LMTK2: variants seen among roughly 807,000 people sequenced by gnomAD.
The protein encoded by LMTK2 is serine/threonine-protein kinase LMTK2.
In LMTK2, 37 loss-of-function variants were observed where a neutral mutation model predicts 127.5. The observed-to-expected ratio is 0.29, with a 90% CI of 0.22 to 0.38. LMTK2 has a LOEUF of 0.38. Ranked by LOEUF, LMTK2 falls within the 10% of genes least tolerant of loss-of-function variation. LMTK2 has a pLI of 1.00. For synonymous variants in LMTK2, 819 were observed against 810.1 expected, an observed-to-expected ratio of 1.01 and a Z score of -0.19; for missense variants, 1,694 against 1,920.3, an observed-to-expected ratio of 0.88 and a Z score of 2.20.
intron 12 of LMTK2, 36 bp from the exon 13 acceptor site, chr7:98,203,908 T>C: frequency 1.2e-6 from 2 of 1,609,392 alleles, no homozygotes; most frequent in Admixed American, 1.7e-5. Flanking sequence ...CATCACGCAG[T>C]GATAAAAAGG....
Position 98,204,009 on chromosome 7 carries a change from C to T in LMTK2, c.4306C>T (p.Leu1436=), listed in dbSNP as rs1321585295. 1 of 1,614,206 alleles carries T rather than the reference C, an allele frequency of 6.2e-7. No individual in the cohort carries two copies. The highest frequency in any genetic ancestry group is 8.5e-7 in the Non-Finnish European group (1 of 1,180,036). Reference sequence around the variant, plus strand: ...TTTTATGTCAAAGACAACAAGTAACCTGCTCAGCTCCAAGCCTTCTCTCCA... The same window carrying T: ...TTTTATGTCAAAGACAACAAGTAACTTGCTCAGCTCCAAGCCTTCTCTCCA... ...DPFMSKTTSN[L]LSSKPSLQTS... The change falls in exon 13 of 14, where the codon CTG becomes TTG. Residue 1436 remains leucine (L), a synonymous_variant. Coordinates refer to ENST00000297293, the MANE Select transcript of LMTK2 (RefSeq NM_014916.4).
rs541735292 is a variant in LMTK2 at position 98,125,083 on chromosome 7, C to G, written c.104-12232C>G. ...CTTTGGGAGGCCGAGGCGGGCGGAT[C>G]ACGAGGTCAGGAGATCGAGACCATC... On this transcript the variant is annotated intron_variant, in intron 1 of 13. Coordinates refer to ENST00000297293, the MANE Select transcript of LMTK2 (RefSeq NM_014916.4). 7.2e-5 allele frequency among the ~76,000 whole-genome samples: 11 copies of G among 151,884 alleles called. No homozygotes were observed. In the South Asian group the frequency reaches 2.3e-3, roughly 32 times the overall value.
chr7:98,111,770 A>G (rs1490672186), intron 1 of LMTK2, among the ~76,000 whole-genome samples: 1 of 152,228 alleles, frequency 6.6e-6, no homozygotes. Flanking sequence ...GTAACATGGC[A>G]TGTCTAGAAT....
At chr7:98,141,636 C>T (rs1796701767) in intron 3 of LMTK2, 95 bp downstream of exon 3, 1 of 1,197,706 alleles carries the variant, frequency 8.3e-7, no homozygotes, top group East Asian at 2.3e-5. Context: ...CTGCCCATCT[C>T]CTCTTTGGTT....
intron 7 of LMTK2, among the ~76,000 whole-genome samples, chr7:98,181,807 C>T (rs1222848025): frequency 6.6e-6 from 1 of 151,872 alleles, no homozygotes; most frequent in Non-Finnish European, 1.5e-5. Flanking sequence ...TACAGGCACC[C>T]ACCATCATGC....
At position 98,207,268 on chromosome 7, in the gene LMTK2, G is replaced by T. The variant is rs1009167642; in HGVS notation, c.*1776G>T. On this transcript the variant is annotated 3_prime_UTR_variant, in exon 14 of 14. Transcript: ENST00000297293. ...TCCAGACCCGTGCAGGGGCCGCCTG[G>T]GGTACACGGAAGGAAGTTGAGTCCT... The T allele has an allele frequency of 2.6e-5, 4 of 152,226 alleles. No homozygotes were observed. The highest frequency in any genetic ancestry group is 5.9e-5 in the Non-Finnish European group (4 of 68,074). The allele number at this position is 152,226 out of a possible 1,614,324, so 9.4% of individuals were successfully genotyped here.
chr7:98,200,816 T>TTTG (rs138102097), intron 11 of LMTK2, among the ~76,000 whole-genome samples: 2,575 of 151,834 alleles, frequency 0.017, 64 homozygotes, highest in South Asian at 0.12. Flanking sequence ...TATTATTTAT[T>TTTG]TTGTTGTTGT....
At chr7:98,148,670 C>T (rs186976977) in intron 3 of LMTK2, among the ~76,000 whole-genome samples, 10 of 152,122 alleles carry the variant, frequency 6.6e-5, no homozygotes, top group Admixed American at 5.9e-4. Context: ...GGAAACTGGA[C>T]GTTTTGAATA....
At chr7:98,159,581 A>G (rs1796982616) in intron 6 of LMTK2, among the ~76,000 whole-genome samples, 156 bp downstream of exon 6, 1 of 152,236 alleles carries the variant, frequency 6.6e-6, no homozygotes, top group Non-Finnish European at 1.5e-5. Context: ...GGTGATGGTG[A>G]TAGTGTTGAC....
intron 9 of LMTK2, 117 bp downstream of exon 9, chr7:98,187,115 C>A: frequency 2.2e-6 from 2 of 907,052 alleles, no homozygotes; most frequent in South Asian, 1.9e-5. Context: ...AAAAGAGTAT[C>A]TGATGGTGTG....
intron 5 of LMTK2, among the ~76,000 whole-genome samples, chr7:98,157,132 G>A (rs1247385655): frequency 6.6e-6 from 1 of 151,926 alleles, no homozygotes; most frequent in Non-Finnish European, 1.5e-5. Context: ...CGCACCTGTA[G>A]TCTCAGCTCC....
At chr7:98,181,600 A>G (rs745794617) in intron 7 of LMTK2, among the ~76,000 whole-genome samples, 7 of 152,218 alleles carry the variant, frequency 4.6e-5, no homozygotes, top group African/African-American at 9.6e-5. Flanking sequence ...CATATAGACC[A>G]ATGAAATAGA....
intron 7 of LMTK2, among the ~76,000 whole-genome samples, chr7:98,176,096 G>A (rs904252057): frequency 6.6e-6 from 1 of 152,130 alleles, no homozygotes; most frequent in African/African-American, 2.4e-5. Flanking sequence ...AAACAATTAA[G>A]ACTTATTCTA....
At chr7:98,183,449 G>A (rs977072566) in intron 7 of LMTK2, among the ~76,000 whole-genome samples, 9 of 152,032 alleles carry the variant, frequency 5.9e-5, no homozygotes, top group Non-Finnish European at 1.0e-4. Context: ...TTGCAGTAGT[G>A]CGATCTCGGC....
At chr7:98,161,655 TA>T (rs1277712059) in intron 6 of LMTK2, among the ~76,000 whole-genome samples, 3 of 152,214 alleles carry the variant, frequency 2.0e-5, no homozygotes, top group Non-Finnish European at 2.9e-5. Context: ...ATCAGAGTTA[TA>T]AAATTTATGA....
chr7:98,194,000 A>G lies in LMTK2; in HGVS notation c.3535A>G (p.Thr1179Ala), dbSNP rs767601909. The part of the protein sequence containing the change: ...HNSSDLELRA[T>A]PEPAQTGVPQ... Reference sequence around the variant, plus strand: ...CTCCAGTGACCTGGAATTAAGAGCCACGCCGGAGCCAGCACAGACTGGTGT... The same window carrying G: ...CTCCAGTGACCTGGAATTAAGAGCCGCGCCGGAGCCAGCACAGACTGGTGT... The change falls in exon 11 of 14, where the codon ACG becomes GCG. Residue 1179 changes from threonine to alanine, a missense_variant. This residue lies in a region of LMTK2 where 554 missense variants were observed against 567.7 expected (regional missense o/e 0.98). Coordinates refer to ENST00000297293, the MANE Select transcript of LMTK2 (RefSeq NM_014916.4). This position sits in a 1 kb window ranked among gnomAD's most constrained non-coding sequence, Gnocchi z 4.1. The G allele has an allele frequency of 6.2e-7, 1 of 1,614,008 alleles. No homozygotes were observed. The highest frequency in any genetic ancestry group is 1.3e-5 in the African/African-American group (1 of 74,952).
intron 3 of LMTK2, among the ~76,000 whole-genome samples, chr7:98,147,485 A>G (rs1796791129): frequency 6.6e-6 from 1 of 152,150 alleles, no homozygotes; most frequent in Non-Finnish European, 1.5e-5. Context: ...TTAGCCTCCC[A>G]AAGTGTTGGG....
rs1797199145 is a variant in LMTK2, at chr7:98,171,970, ACACC to A, written c.791+297_791+300del. 6.6e-6 allele frequency among the ~76,000 whole-genome samples: 1 copy of A among 152,150 alleles called. No homozygotes were observed. Among genetic ancestry groups the A allele is most frequent in the Non-Finnish European group, 1.5e-5 (1 of 68,022 alleles). On this transcript the variant is annotated intron_variant, in intron 7 of 13. Transcript: ENST00000297293. This position sits in a 1 kb window ranked among gnomAD's most constrained non-coding sequence, Gnocchi z 5.1. ...GTAAACAGTCCCGATCCACCGTATG[ACACC>A]TCGCGTGTTTCATCCTTGCCACACC...
chr7:98,147,368 G>A (rs183572871), intron 3 of LMTK2, among the ~76,000 whole-genome samples: 2 of 152,048 alleles, frequency 1.3e-5, no homozygotes, highest in Admixed American at 6.6e-5. Context: ...ACAGGTGCAC[G>A]CTACCACTCC....
Sources: allele counts gnomAD v4.1 joint callset (sites outside exome capture counted in the v4.1 genomes callset), GRCh38; gene constraint gnomAD v4.1.1; regional missense constraint gnomAD v4.1.1; non-coding constraint Gnocchi (gnomAD v3.1); transcripts MANE v1.5; gene names NCBI Gene and HGNC (gene_info 2026-07-23, HGNC 2026-07-21).